Variants in BRF1 observed in about 807,000 individuals in gnomAD.
BRF1 encodes transcription factor IIIB 90 kDa subunit.
A neutral mutation model predicts 81.7 loss-of-function variants in BRF1; 59 were observed. The ratio of observed to expected loss-of-function variants is 0.72; its 90% CI spans 0.59 to 0.90. BRF1 has a LOEUF of 0.90. Among genes scored for constraint, BRF1 ranks in the 40% least tolerant of loss-of-function variants. The pLI is 0.00. For synonymous variants in BRF1, 491 were observed against 395.6 expected (o/e 1.24, Z -2.86); for missense variants, 1,050 against 936.3 (o/e 1.12, Z -1.58).
At chr14:105,268,136 T>C (rs1022571764) in intron 3 of BRF1, among the ~76,000 whole-genome samples, 2 of 152,234 alleles carry the variant, frequency 1.3e-5, no homozygotes, top group Non-Finnish European at 2.9e-5. Flanking sequence ...CATGCAGGCC[T>C]AGGGCAGCCT....
At position 105,296,926 on chromosome 14, in the gene BRF1, TG is replaced by T. The variant is rs34911820; in HGVS notation, c.184+3519del. On this transcript the variant is annotated intron_variant, in intron 1 of 17. Coordinates refer to ENST00000547530, the MANE Select transcript of BRF1 (RefSeq NM_001519.4). The stretch of plus-strand genomic sequence containing the variant: ...ATTCCAGCACTTTGAGAGGCTGAAG[TG>T]GGGGGGGATCACTTGAGGTCAGGAG... Among the ~76,000 whole-genome samples, 39 of 149,102 alleles carry T rather than the reference TG, an allele frequency of 2.6e-4. 1 individual carries two copies. In the South Asian group the frequency reaches 5.3e-3, roughly 20 times the overall value.
At chr14:105,266,904 G>A (rs370731780) in intron 3 of BRF1, among the ~76,000 whole-genome samples, 94 of 152,156 alleles carry the variant, frequency 6.2e-4, no homozygotes, top group Admixed American at 1.6e-3. Flanking sequence ...ATTAGCCAGG[G>A]GTGGTGGTGT....
upstream of BRF1, among the ~76,000 whole-genome samples, chr14:105,304,540 T>A (rs893612081): frequency 6.6e-6 from 1 of 152,210 alleles, no homozygotes; most frequent in Non-Finnish European, 1.5e-5. Flanking sequence ...GAGGCTCTAC[T>A]GGGCAATGGC....
chr14:105,307,276 A>C (rs1413350855), intron 1 of BRF1, among the ~76,000 whole-genome samples: 1 of 152,066 alleles, frequency 6.6e-6, no homozygotes, highest in Non-Finnish European at 1.5e-5. Context: ...AGGCTCCTGC[A>C]TTCCTGAACA....
chr14:105,305,728 C>T (rs760893614), upstream of BRF1, among the ~76,000 whole-genome samples: 4 of 152,194 alleles, frequency 2.6e-5, no homozygotes, highest in Non-Finnish European at 5.9e-5. Context: ...ATGCTGCAAG[C>T]GCCCCAGGAA....
At chr14:105,265,879 C>T (rs758558188) in intron 3 of BRF1, among the ~76,000 whole-genome samples, 42 of 128,260 alleles carry the variant, frequency 3.3e-4, no homozygotes, top group South Asian at 5.0e-4. Context: ...CCAGCCTGGG[C>T]GACAGAGCAA....
At chr14:105,244,563 G>A (rs2735825) in intron 5 of BRF1, among the ~76,000 whole-genome samples, 29,743 of 152,060 alleles carry the variant, frequency 0.2, 3,734 homozygotes, top group Middle Eastern at 0.27. Context: ...GTGGCAGAGC[G>A]GCACGGGACA....
chr14:105,289,438 C>G (rs1025822863), intron 1 of BRF1, among the ~76,000 whole-genome samples: 1 of 152,092 alleles, frequency 6.6e-6, no homozygotes, highest in Non-Finnish European at 1.5e-5. Flanking sequence ...GAGGTGCCTG[C>G]TGATATGAGA....
In BRF1 at chr14:105,210,357, C is replaced by G. The variant is rs930593320; in HGVS notation, c.*194G>C. On this transcript the variant is annotated 3_prime_UTR_variant, in exon 18 of 18. Coordinates refer to ENST00000547530, the MANE Select transcript of BRF1 (RefSeq NM_001519.4). This position sits in a 1 kb window ranked among gnomAD's most constrained non-coding sequence, Gnocchi z 4.7. ...GATCACACACATGCAGACGCTTGGT[C>G]CGGTTTCCCTTGCTGAATAGAAACA... 1 of 632,806 alleles carries G rather than the reference C, an allele frequency of 1.6e-6. No individual in the cohort carries two copies. The highest frequency in any genetic ancestry group is 1.8e-5 in the African/African-American group (1 of 54,486). 39.2% of individuals were successfully genotyped at this position (632,806 alleles called of 1,614,324 possible). A position where few individuals can be genotyped will look rare whatever the true frequency, so the allele number is the denominator to read the frequency against.
intron 7 of BRF1, 155 bp from the exon 8 acceptor site, chr14:105,226,915 C>T: frequency 1.9e-6 from 2 of 1,064,148 alleles, no homozygotes; most frequent in Non-Finnish European, 2.7e-6. Flanking sequence ...TTGAGACCAG[C>T]CTAGGCAACA....
intron 2 of BRF1, among the ~76,000 whole-genome samples, chr14:105,275,261 T>A (rs1205249204): frequency 6.6e-6 from 1 of 152,160 alleles, no homozygotes; most frequent in Non-Finnish European, 1.5e-5. Context: ...GTCAGCAGCA[T>A]CACATGGAGC....
chr14:105,241,640 A>G lies in BRF1; in HGVS notation c.545-226T>C. The G allele has an allele frequency of 6.6e-6, 4 of 609,140 alleles. No homozygotes were observed. The South Asian group carries it at 7.6e-5, about 12-fold the overall frequency. The allele number at this position is 609,140 out of a possible 1,614,324, so 37.7% of individuals were successfully genotyped here. On this transcript the variant is annotated intron_variant, in intron 5 of 17. Transcript: ENST00000547530. ...CACCTGCTGCCAGCCAGCCTGCTGC[A>G]GACACGCTAGGGCCAGGCAGCGTGC...
Position 105,300,446 on chromosome 14 carries a change from C to G in BRF1, c.184G>C (p.Gly62Arg), listed in dbSNP as rs1208711227. The G allele has an allele frequency of 6.6e-7, 1 of 1,524,074 alleles. No individual in the cohort carries two copies. The highest frequency in any genetic ancestry group is 2.0e-5 in the Admixed American group (1 of 49,086). The allele number at this position is 1,524,074 out of a possible 1,614,324, so 94.4% of individuals were successfully genotyped here. A position where few individuals can be genotyped will look rare whatever the true frequency, so the allele number is the denominator to read the frequency against. The change falls in exon 1 of 18, where the codon GGT becomes CGT. Residue 62 changes from glycine to arginine, a missense_variant and splice_region_variant. This residue lies in a region of BRF1 where 1,043 missense variants were observed against 915.4 expected (regional missense o/e 1.14). Transcript: ENST00000547530. ...SAVGQFVSLDGAGKTPTLGGG... is the reference protein window; with the variant it reads ...SAVGQFVSLDRAGKTPTLGGG... ...CGCAGCGCCAGCCCGCGGGACTCAC[C>G]GTCCAGGGACACGAACTGGCCCACG...
chr14:105,221,224 G>A (rs777345180), intron 11 of BRF1, among the ~76,000 whole-genome samples: 4 of 152,184 alleles, frequency 2.6e-5, no homozygotes, highest in African/African-American at 4.8e-5. Context: ...AGATGGGCAC[G>A]GTGGCCTGGC....
At chr14:105,225,191 C>G (rs1261516923) in intron 10 of BRF1, among the ~76,000 whole-genome samples, 2 of 152,196 alleles carry the variant, frequency 1.3e-5, no homozygotes, top group Admixed American at 6.5e-5. Flanking sequence ...CCTGCAACAG[C>G]CTCCCTACCT....
chr14:105,300,328 C>T (rs866424120), intron 1 of BRF1, 118 bp downstream of exon 1: 4 of 1,189,098 alleles, frequency 3.4e-6, no homozygotes, highest in Middle Eastern at 3.0e-4. Flanking sequence ...CGGCGCAGAA[C>T]CGCGCGCCCC....
chr14:105,223,590 G>T (rs1179806760), intron 10 of BRF1, among the ~76,000 whole-genome samples: 1 of 152,230 alleles, frequency 6.6e-6, no homozygotes, highest in African/African-American at 2.4e-5. Flanking sequence ...GAATTCTACA[G>T]AATACAACTA....
At chr14:105,256,260 AGCTAACACCCAACCGT>A in intron 4 of BRF1, 1 of 1,543,900 alleles carries the variant, frequency 6.5e-7, no homozygotes. Flanking sequence ...ACCCAGGCCT[AGCTAACACCCAACCGT>A]GCCCAGCATT....
chr14:105,240,903 C>T (rs1355526241), intron 6 of BRF1, among the ~76,000 whole-genome samples: 2 of 151,546 alleles, frequency 1.3e-5, no homozygotes, highest in Non-Finnish European at 2.9e-5. Context: ...TCAGGAGCAA[C>T]AACCTAGCAT....
Sources: gnomAD v4.1 joint callset for allele counts (sites outside exome capture counted in the v4.1 genomes callset) on GRCh38, gnomAD v4.1.1 for gene constraint, gnomAD v4.1.1 regional missense constraint, Gnocchi (gnomAD v3.1) non-coding constraint, MANE v1.5 for transcripts, NCBI Gene and HGNC (gene_info 2026-07-23, HGNC 2026-07-21) for gene names.